Variants in ASTN2 observed in about 807,000 individuals in gnomAD.
ASTN2 encodes the protein astrotactin 2, also known as astrotactin-2.
In ASTN2, 54 loss-of-function variants were observed where a neutral mutation model predicts 139.8. The observed-to-expected ratio is 0.39, with a 90% CI of 0.31 to 0.48. The LOEUF (loss-of-function observed/expected upper bound fraction) is 0.48. ASTN2 is among the 20% of genes least tolerant of loss of function. The pLI, the probability that ASTN2 is intolerant of heterozygous loss-of-function variation, is 0.95. For missense variants in ASTN2, 1,565 were observed against 1,725.1 expected, an observed-to-expected ratio of 0.91 and a Z score of 1.64; for synonymous variants, 756 against 719.5, an observed-to-expected ratio of 1.05 and a Z score of -0.81.
intron 16 of ASTN2, among the ~76,000 whole-genome samples, chr9:116,701,615 G>A (rs1307126524): frequency 6.6e-6 from 1 of 152,182 alleles, no homozygotes; most frequent in Non-Finnish European, 1.5e-5. Context: ...AGCTGTCTGT[G>A]CTTTTGAAAG....
intron 19 of ASTN2, among the ~76,000 whole-genome samples, chr9:116,565,381 CTCTCTCCATATATATATATATA>C (rs1302929583): frequency 3.5e-4 from 12 of 34,720 alleles, no homozygotes; most frequent in South Asian, 9.7e-4. Flanking sequence ...CTCTCTCTCT[CTCTCTCCATATATATATATATA>C]TATATATATA....
intron 2 of ASTN2, among the ~76,000 whole-genome samples, chr9:117,279,339 T>C (rs557516670): frequency 1.7e-4 from 26 of 152,304 alleles, no homozygotes; most frequent in African/African-American, 5.8e-4. Flanking sequence ...TACTAGAGAG[T>C]TGTCTTAACC....
At chr9:116,937,612 G>A (rs903651963) in intron 10 of ASTN2, among the ~76,000 whole-genome samples, 12 of 152,126 alleles carry the variant, frequency 7.9e-5, no homozygotes, top group Admixed American at 7.9e-4. Context: ...AAATAAATGA[G>A]CATGTCCAAG....
intron 11 of ASTN2, among the ~76,000 whole-genome samples, chr9:116,843,758 A>C (rs1832342399): frequency 6.6e-6 from 1 of 152,044 alleles, no homozygotes; most frequent in Non-Finnish European, 1.5e-5. Flanking sequence ...GGAAGGAGGC[A>C]GGGAGGTGAA....
intron 19 of ASTN2, among the ~76,000 whole-genome samples, chr9:116,541,129 T>C (rs756314398): frequency 5.9e-5 from 9 of 152,200 alleles, no homozygotes; most frequent in Non-Finnish European, 1.2e-4. Flanking sequence ...TTACTCATGT[T>C]TCTGCATTCC....
chr9:117,235,403 A>G (rs1385257831), intron 2 of ASTN2, among the ~76,000 whole-genome samples: 1 of 152,194 alleles, frequency 6.6e-6, no homozygotes, highest in African/African-American at 2.4e-5. Flanking sequence ...ATAAGAAAAC[A>G]AAAAGGTTAA....
chr9:117,242,515 G>A (rs1273345230), intron 2 of ASTN2, among the ~76,000 whole-genome samples: 2 of 152,162 alleles, frequency 1.3e-5, no homozygotes, highest in African/African-American at 4.8e-5. Flanking sequence ...TGTTAGAAGA[G>A]AAAAGCATAA....
chr9:117,215,829 C>T (rs1320663831), intron 2 of ASTN2, among the ~76,000 whole-genome samples: 49 of 152,120 alleles, frequency 3.2e-4, no homozygotes, highest in Admixed American at 3.1e-3. Context: ...TTGGAAGACA[C>T]TTTGCTGAAT....
intron 19 of ASTN2, among the ~76,000 whole-genome samples, chr9:116,587,079 G>A (rs1030877698): frequency 6.6e-6 from 1 of 152,022 alleles, no homozygotes; most frequent in African/African-American, 2.4e-5. Context: ...GGTGGCTCTC[G>A]CCTGTAATCC....
At chr9:117,088,745 T>A (rs908295493) in intron 5 of ASTN2, among the ~76,000 whole-genome samples, 2 of 152,054 alleles carry the variant, frequency 1.3e-5, no homozygotes, top group Non-Finnish European at 2.9e-5. Flanking sequence ...GTACCTGAGA[T>A]TGGGGATCAG....
At chr9:116,943,545 G>T (rs1251215198) in intron 10 of ASTN2, among the ~76,000 whole-genome samples, 3 of 152,132 alleles carry the variant, frequency 2.0e-5, no homozygotes, top group Non-Finnish European at 4.4e-5. Context: ...GACTGTTATT[G>T]TATGTACATT....
chr9:116,487,285 A>G, intron 20 of ASTN2, 74 bp downstream of exon 20: 1 of 1,568,498 alleles, frequency 6.4e-7, no homozygotes, highest in Non-Finnish European at 8.7e-7. Context: ...TGCACAGAAT[A>G]ACTCATGCCA....
At chr9:116,989,087 TATTC>T (rs1836767010) in intron 7 of ASTN2, among the ~76,000 whole-genome samples, 1 of 152,142 alleles carries the variant, frequency 6.6e-6, no homozygotes, top group Non-Finnish European at 1.5e-5. Context: ...CAAGAGTAAT[TATTC>T]ATTTTGCAAA....
At chr9:117,241,263 A>C (rs758927436) in intron 2 of ASTN2, among the ~76,000 whole-genome samples, 1 of 152,218 alleles carries the variant, frequency 6.6e-6, no homozygotes, top group Non-Finnish European at 1.5e-5. Context: ...TTTAGCTAGA[A>C]GAAAATTTGA....
At chr9:117,155,180 GTCT>G (rs903303872) in intron 3 of ASTN2, among the ~76,000 whole-genome samples, 2 of 151,964 alleles carry the variant, frequency 1.3e-5, no homozygotes, top group Admixed American at 6.6e-5. Context: ...ATCCTGAATT[GTCT>G]TCTTCTTTTC....
chr9:116,607,816 C>T (rs1855293531), intron 19 of ASTN2, among the ~76,000 whole-genome samples: 1 of 151,654 alleles, frequency 6.6e-6, no homozygotes, highest in Admixed American at 6.6e-5. Flanking sequence ...AAAAAATTAG[C>T]CAGGCATGGT....
In ASTN2 at chr9:116,590,269, G is replaced by A. The variant is rs12339648; in HGVS notation, c.3355+28055C>T. Among the ~76,000 whole-genome samples, 1,268 of 152,288 alleles carry A rather than the reference G, an allele frequency of 8.3e-3. 15 individuals are homozygous for A. The highest frequency in any genetic ancestry group is 0.028 in the African/African-American group (1,149 of 41,564). The stretch of plus-strand genomic sequence containing the variant: ...TGGGGATCACCCCCTTCCCCCACAG[G>A]CTCAGAAATACCTGCTCCCACTGCC... On this transcript the variant is annotated intron_variant, in intron 19 of 22. Transcript: ENST00000313400.
intron 19 of ASTN2, among the ~76,000 whole-genome samples, chr9:116,606,753 G>T (rs1158062910): frequency 6.6e-6 from 1 of 151,682 alleles, no homozygotes. Context: ...TGTGTCTCAA[G>T]AACTGTGCTG....
chr9:116,663,595 G>A (rs1428936185), intron 16 of ASTN2, among the ~76,000 whole-genome samples: 1 of 152,146 alleles, frequency 6.6e-6, no homozygotes, highest in African/African-American at 2.4e-5. Context: ...CCTCTGCGGT[G>A]TAACTCTGCT....
Sources: allele counts gnomAD v4.1 joint callset (sites outside exome capture counted in the v4.1 genomes callset), GRCh38; gene constraint gnomAD v4.1.1; transcripts MANE v1.5; gene names NCBI Gene and HGNC (gene_info 2026-07-23, HGNC 2026-07-21).